MINDY2: variants seen among roughly 807,000 people sequenced by gnomAD.
MINDY2 encodes MINDY lysine 48 deubiquitinase 2.
A neutral mutation model predicts 68.2 loss-of-function variants in MINDY2; 52 were observed. The ratio of observed to expected loss-of-function variants is 0.76; its 90% confidence interval spans 0.61 to 0.96. MINDY2 has a LOEUF of 0.96. Ranked by LOEUF, MINDY2 falls within the 40% of genes least tolerant of loss-of-function variation. The pLI, the probability that MINDY2 is intolerant of heterozygous loss-of-function variation, is 0.00. For synonymous variants in MINDY2, 372 were observed against 303.0 expected, an observed-to-expected ratio of 1.23 and a Z score of -2.36; for missense variants, 881 against 773.4, an observed-to-expected ratio of 1.14 and a Z score of -1.65.
Position 58,854,801 on chromosome 15 carries a change from G to A in MINDY2, c.*191G>A. The A allele has an allele frequency of 2.2e-6, 1 of 445,064 alleles. No homozygotes were observed. Among genetic ancestry groups the A allele is most frequent in the South Asian group, 3.9e-5 (1 of 25,666 alleles). 27.6% of individuals were successfully genotyped at this position (445,064 alleles called of 1,614,324 possible). A position where few individuals can be genotyped will look rare whatever the true frequency, so the allele number is the denominator to read the frequency against. On this transcript the variant is annotated 3_prime_UTR_variant, in exon 9 of 9. Coordinates refer to ENST00000559228, the MANE Select transcript of MINDY2 (RefSeq NM_001040450.3). ...TCACACAATACACTCTTTATGAGCT[G>A]GAGTTTCATGTTACAAGTTGGAAAT...
At chr15:58,812,289 TA>T (rs1249916618) in intron 4 of MINDY2, among the ~76,000 whole-genome samples, 12 of 151,680 alleles carry the variant, frequency 7.9e-5, no homozygotes, top group African/African-American at 2.9e-4. Context: ...ATACAAAAAT[TA>T]GTCGGGTGCA....
At chr15:58,847,933 G>C (rs1166065102) in intron 7 of MINDY2, among the ~76,000 whole-genome samples, 7 of 152,308 alleles carry the variant, frequency 4.6e-5, no homozygotes, top group South Asian at 4.1e-4. Context: ...GTAGAGGAGA[G>C]AGAATCTGGA....
intron 1 of MINDY2, among the ~76,000 whole-genome samples, chr15:58,774,568 G>A (rs1900661350): frequency 2.0e-5 from 3 of 151,706 alleles, no homozygotes; most frequent in Admixed American, 1.3e-4. Context: ...CTATCTAGTG[G>A]GATGACAGAC....
At chr15:58,807,629 C>G (rs887408984) in intron 3 of MINDY2, among the ~76,000 whole-genome samples, 38 of 152,246 alleles carry the variant, frequency 2.5e-4, no homozygotes, top group African/African-American at 9.1e-4. Context: ...TCCCAAAGTG[C>G]TGGGATTACA....
At chr15:58,797,018 C>G (rs2140942203) in intron 2 of MINDY2, among the ~76,000 whole-genome samples, 1 of 152,186 alleles carries the variant, frequency 6.6e-6, no homozygotes, top group Non-Finnish European at 1.5e-5. Flanking sequence ...TCACCTAAAC[C>G]TGCACTGAAG....
intron 2 of MINDY2, among the ~76,000 whole-genome samples, chr15:58,792,102 T>C (rs990519281): frequency 6.6e-6 from 1 of 152,154 alleles, no homozygotes; most frequent in African/African-American, 2.4e-5. Flanking sequence ...ATTGATAACC[T>C]TGATGAGTGT....
In MINDY2 at chr15:58,836,084, G is replaced by C. The variant is rs142187175; in HGVS notation, c.1368+4168G>C. 1.6e-3 allele frequency among the ~76,000 whole-genome samples: 246 copies of C among 152,076 alleles called. 1 individual carries two copies. The highest frequency in any genetic ancestry group is 5.5e-3 in the African/African-American group (230 of 41,482). ...GCCACCACACCCAGCTAATTTTTTTGTATTTTTAGTAGAGACAGGGTTTCG... is the reference window on the plus strand; with the variant it reads ...GCCACCACACCCAGCTAATTTTTTTCTATTTTTAGTAGAGACAGGGTTTCG... On this transcript the variant is annotated intron_variant, in intron 6 of 8. Coordinates refer to ENST00000559228, the MANE Select transcript of MINDY2 (RefSeq NM_001040450.3).
chr15:58,793,220 G>T (rs1356952972), intron 2 of MINDY2, among the ~76,000 whole-genome samples: 2 of 152,158 alleles, frequency 1.3e-5, no homozygotes, highest in Admixed American at 1.3e-4. Context: ...GGTGCTTGAG[G>T]TGGGTGGTTC....
chr15:58,838,537 A>G (rs2032113485), intron 6 of MINDY2, among the ~76,000 whole-genome samples: 1 of 151,446 alleles, frequency 6.6e-6, no homozygotes, highest in African/African-American at 2.4e-5. Context: ...TCAGACATAA[A>G]TATCTATACT....
chr15:58,804,003 C>T (rs1239503233), intron 3 of MINDY2, among the ~76,000 whole-genome samples: 4 of 150,168 alleles, frequency 2.7e-5, no homozygotes, highest in Non-Finnish European at 5.9e-5. Flanking sequence ...TGGCAGGCGC[C>T]TGTAAGTCCT....
At chr15:58,809,249 C>T (rs182679495) in intron 3 of MINDY2, among the ~76,000 whole-genome samples, 73 of 152,078 alleles carry the variant, frequency 4.8e-4, no homozygotes, top group African/African-American at 1.8e-3. Context: ...CCCCAGTCCC[C>T]TGGAAACAAC....
At chr15:58,822,263 AAAG>A (rs1199781556) in intron 5 of MINDY2, among the ~76,000 whole-genome samples, 17 of 152,148 alleles carry the variant, frequency 1.1e-4, no homozygotes, top group African/African-American at 2.4e-4. Flanking sequence ...AAAAAAAAAA[AAAG>A]AAGAAGAAGT....
chr15:58,846,187 T>G (rs1299068012), intron 6 of MINDY2, among the ~76,000 whole-genome samples: 11 of 152,244 alleles, frequency 7.2e-5, no homozygotes, highest in African/African-American at 2.6e-4. Context: ...ATTGTACATT[T>G]TAAAATAACT....
chr15:58,775,132 C>T (rs1161457738), intron 1 of MINDY2, among the ~76,000 whole-genome samples: 2 of 152,088 alleles, frequency 1.3e-5, no homozygotes, highest in Non-Finnish European at 2.9e-5. Flanking sequence ...TACAAGTGTC[C>T]GTGGAGTTTT....
chr15:58,785,152 A>AAAG (rs1567040522), intron 1 of MINDY2, among the ~76,000 whole-genome samples: 2 of 124,616 alleles, frequency 1.6e-5, no homozygotes, highest in Non-Finnish European at 3.3e-5. Context: ...AAAAAAAAAA[A>AAAG]AAAAAAGAAA....
At chr15:58,827,663 A>G (rs1438295500) in intron 5 of MINDY2, among the ~76,000 whole-genome samples, 1 of 151,928 alleles carries the variant, frequency 6.6e-6, no homozygotes, top group Non-Finnish European at 1.5e-5. Context: ...ACAGGGTTTC[A>G]CCGTGGTCTC....
intron 2 of MINDY2, among the ~76,000 whole-genome samples, chr15:58,788,617 A>T (rs1335786742): frequency 6.6e-6 from 1 of 152,250 alleles, no homozygotes; most frequent in Non-Finnish European, 1.5e-5. Context: ...TGTACATCAC[A>T]TTGTGGCCTT....
At chr15:58,846,054 A>G (rs1019203454) in intron 6 of MINDY2, among the ~76,000 whole-genome samples, 1 of 151,772 alleles carries the variant, frequency 6.6e-6, no homozygotes, top group Non-Finnish European at 1.5e-5. Context: ...GCTGGGATGC[A>G]TATTTGGAGG....
rs1418259749 is a variant in MINDY2, at chr15:58,859,711, A to G, written c.*5101A>G. The G allele has an allele frequency of 2.0e-5, 3 of 152,160 alleles. No homozygotes were observed. The highest frequency in any genetic ancestry group is 2.1e-4 in the South Asian group (1 of 4,830). The allele number at this position is 152,160 out of a possible 1,614,324, so 9.4% of individuals were successfully genotyped here. A position where few individuals can be genotyped will look rare whatever the true frequency, so the allele number is the denominator to read the frequency against. ...CTGGTAAATTTAACTTACTTTGAAT[A>G]TCTATCTAAATTTTAGTTCATGCAT... On this transcript the variant is annotated 3_prime_UTR_variant, in exon 9 of 9. Transcript: ENST00000559228.
Sources: allele counts gnomAD v4.1 joint callset (sites outside exome capture counted in the v4.1 genomes callset), GRCh38; gene constraint gnomAD v4.1.1; transcripts MANE v1.5; gene names NCBI Gene and HGNC (gene_info 2026-07-23, HGNC 2026-07-21).